Variants in GRID1 observed in about 807,000 individuals in gnomAD.
The protein encoded by GRID1 is glutamate ionotropic receptor delta type subunit 1.
GRID1 carries 28 observed loss-of-function variants against 98.0 expected under a neutral mutation model. That is an observed-to-expected ratio of 0.29 (90% confidence interval 0.21 to 0.39). The LOEUF (loss-of-function observed/expected upper bound fraction) is 0.39. Ranked by LOEUF, GRID1 falls within the 10% of genes least tolerant of loss-of-function variation. The pLI is 1.00. For missense variants in GRID1, 1,111 were observed against 1,340.5 expected (o/e 0.83, Z 2.67); for synonymous variants, 553 against 538.5 (o/e 1.03, Z -0.37).
At position 85,687,372 on chromosome 10, in the gene GRID1, T is replaced by C. The variant is rs149287917; in HGVS notation, c.1997+35631A>G. Among the ~76,000 whole-genome samples, 717 of 152,308 alleles carry C rather than the reference T, an allele frequency of 4.7e-3. 1 individual carries two copies. The highest frequency in any genetic ancestry group is 8.1e-3 in the Non-Finnish European group (548 of 68,020). ...ACACCTGAAATGGTTTTCTCCAAAC[T>C]GAAAATATTAATTACTTGGAGAGAG... On this transcript the variant is annotated intron_variant, in intron 12 of 15. Coordinates refer to ENST00000327946, the MANE Select transcript of GRID1 (RefSeq NM_017551.3).
intron 3 of GRID1, among the ~76,000 whole-genome samples, chr10:86,173,930 T>C (rs1248026452): frequency 1.3e-5 from 2 of 152,134 alleles, no homozygotes; most frequent in Non-Finnish European, 2.9e-5. Flanking sequence ...GGCTGCATAG[T>C]ATTCCATGGT....
At chr10:86,362,978 C>T (rs948892998) in intron 2 of GRID1, among the ~76,000 whole-genome samples, 3 of 152,282 alleles carry the variant, frequency 2.0e-5, no homozygotes, top group African/African-American at 7.2e-5. Context: ...GCGCTGGCCC[C>T]AGAGTCCCCA....
At chr10:85,915,473 TCACA>T (rs1323457708) in intron 5 of GRID1, among the ~76,000 whole-genome samples, 2 of 151,390 alleles carry the variant, frequency 1.3e-5, no homozygotes, top group Non-Finnish European at 2.9e-5. Flanking sequence ...ACATGCACAA[TCACA>T]CACATATTCA....
chr10:85,627,885 G>A (rs1590165617), intron 13 of GRID1, among the ~76,000 whole-genome samples: 1 of 152,304 alleles, frequency 6.6e-6, no homozygotes, highest in Admixed American at 6.5e-5. Flanking sequence ...TCTGTCAGCT[G>A]TGATTGAAGC....
At chr10:85,820,710 C>A (rs928655908) in intron 8 of GRID1, among the ~76,000 whole-genome samples, 1 of 152,096 alleles carries the variant, frequency 6.6e-6, no homozygotes, top group African/African-American at 2.4e-5. Context: ...CAAGATACCA[C>A]TATTATACCA....
intron 2 of GRID1, among the ~76,000 whole-genome samples, chr10:86,298,462 T>C (rs1847626682): frequency 6.6e-6 from 1 of 152,092 alleles, no homozygotes; most frequent in South Asian, 2.1e-4. Context: ...AAGGTCAGCC[T>C]CACCTGACGT....
chr10:85,886,898 G>A (rs1478168088), intron 5 of GRID1, among the ~76,000 whole-genome samples: 2 of 151,928 alleles, frequency 1.3e-5, no homozygotes, highest in Non-Finnish European at 2.9e-5. Flanking sequence ...ACTTATACAG[G>A]GCTATGCAAT....
intron 2 of GRID1, among the ~76,000 whole-genome samples, chr10:86,306,011 A>G (rs1267029532): frequency 2.6e-5 from 4 of 152,178 alleles, no homozygotes; most frequent in African/African-American, 9.7e-5. Flanking sequence ...CAGTGCCCCA[A>G]CATCTACCCT....
chr10:85,878,745 G>A (rs1589284983), intron 5 of GRID1, among the ~76,000 whole-genome samples: 1 of 152,134 alleles, frequency 6.6e-6, no homozygotes, highest in South Asian at 2.1e-4. Context: ...ACATCATAAT[G>A]ACAGGATCAA....
chr10:86,283,625 C>T, intron 2 of GRID1, among the ~76,000 whole-genome samples: 1 of 151,400 alleles, frequency 6.6e-6, no homozygotes, highest in Non-Finnish European at 1.5e-5. Context: ...TACCTGCATA[C>T]ACATATCTGC....
chr10:86,206,524 C>T lies in GRID1; in HGVS notation c.360G>A (p.Pro120=), dbSNP rs773657515. 3.0e-5 allele frequency: 49 copies of T among 1,614,068 alleles called. No homozygotes were observed. In the East Asian group the frequency reaches 8.0e-4, roughly 26 times the overall value. ...GGCATGCGGTGCGTGGCGACCCTCC[C>T]GGGTTGCGCTGGACAAAGAGGTGTG... ...HIPHLFVQRN[P]GGSPRTACHL... is the part of the protein sequence containing the mutation. The change falls in exon 3 of 16, where the codon CCG becomes CCA. Residue 120 remains proline, a synonymous_variant. Coordinates refer to ENST00000327946, the MANE Select transcript of GRID1 (RefSeq NM_017551.3). This position sits in a 1 kb window ranked among gnomAD's most constrained non-coding sequence, Gnocchi z 4.1.
At chr10:86,110,533 G>A (rs1222818703) in intron 4 of GRID1, among the ~76,000 whole-genome samples, 1 of 152,116 alleles carries the variant, frequency 6.6e-6, no homozygotes, top group Non-Finnish European at 1.5e-5. Context: ...GCATCAGGGG[G>A]ACTTCCAGCC....
At chr10:86,057,898 T>C (rs1249827452) in intron 4 of GRID1, among the ~76,000 whole-genome samples, 3 of 152,182 alleles carry the variant, frequency 2.0e-5, no homozygotes, top group Admixed American at 1.3e-4. Context: ...TACGCATGCA[T>C]GTTGATTATC....
At chr10:86,319,702 T>C (rs1589448227) in intron 2 of GRID1, among the ~76,000 whole-genome samples, 1 of 152,046 alleles carries the variant, frequency 6.6e-6, no homozygotes, top group Non-Finnish European at 1.5e-5. Flanking sequence ...ATCTGGGAGG[T>C]GGGCAATCCT....
At position 85,727,893 on chromosome 10, in the gene GRID1, T is replaced by C; in HGVS notation, c.1495A>G (p.Thr499Ala). 6 of 1,613,776 alleles carry C rather than the reference T, an allele frequency of 3.7e-6. No homozygotes were observed. The highest frequency in any genetic ancestry group is 4.2e-6 in the Non-Finnish European group (5 of 1,179,914). The part of the protein sequence containing the change: ...DGRYGHQLHN[T>A]SWNGMIGELI... The stretch of plus-strand genomic sequence containing the variant: ...TCCCCGATCATCCCGTTCCAGGAGG[T>C]GTTATGGAGCTGGTGACCGTACCTG... Residue 499 changes from threonine to alanine, a missense_variant, in exon 10 of 16, where the codon ACC becomes GCC. By Grantham distance (58) the Thr-to-Ala change is moderately conservative. Around this residue, in one of 3 missense-constraint regions of GRID1, gnomAD observed 762 missense variants for 869.1 expected, o/e 0.88. Coordinates refer to ENST00000327946, the MANE Select transcript of GRID1 (RefSeq NM_017551.3).
At chr10:85,706,809 A>G (rs1388545183) in intron 12 of GRID1, among the ~76,000 whole-genome samples, 7 of 152,222 alleles carry the variant, frequency 4.6e-5, no homozygotes, top group Admixed American at 1.3e-4. Flanking sequence ...ATAATGCCAC[A>G]TATCTACAAC....
intron 3 of GRID1, among the ~76,000 whole-genome samples, chr10:86,174,463 C>T (rs886143888): frequency 5.9e-5 from 9 of 151,568 alleles, no homozygotes; most frequent in Admixed American, 3.3e-4. Flanking sequence ...AACTGGATCC[C>T]TTCCTTACAC....
chr10:86,230,668 T>G (rs1000672847), intron 2 of GRID1, among the ~76,000 whole-genome samples: 2 of 152,334 alleles, frequency 1.3e-5, no homozygotes, highest in African/African-American at 4.8e-5. Flanking sequence ...TTCCTCTATG[T>G]GCATAAGTCT....
At chr10:86,203,163 T>C in intron 3 of GRID1, among the ~76,000 whole-genome samples, 1 of 152,240 alleles carries the variant, frequency 6.6e-6, no homozygotes, top group African/African-American at 2.4e-5. Flanking sequence ...AAAGTTGCTA[T>C]ATTTCCAAAC....
Sources: gnomAD v4.1 joint callset for allele counts (sites outside exome capture counted in the v4.1 genomes callset) on GRCh38, gnomAD v4.1.1 for gene constraint, gnomAD v4.1.1 regional missense constraint, Gnocchi (gnomAD v3.1) non-coding constraint, MANE v1.5 for transcripts, NCBI Gene and HGNC (gene_info 2026-07-23, HGNC 2026-07-21) for gene names.